TANC2: variants seen among roughly 807,000 people sequenced by gnomAD.
TANC2 encodes the protein protein TANC2.
Under a neutral mutation model 210.5 loss-of-function variants are expected in TANC2, and 26 were observed. The observed-to-expected ratio is 0.12, with a 90% confidence interval of 0.09 to 0.17. TANC2 has a LOEUF of 0.17. TANC2 is among the 10% of genes least tolerant of loss of function. The pLI is 1.00. For synonymous variants in TANC2, 931 were observed against 967.1 expected, an observed-to-expected ratio of 0.96 and a Z score of 0.69; for missense variants, 2,129 against 2,608.9, an observed-to-expected ratio of 0.82 and a Z score of 4.01.
chr17:63,185,880 A>G lies in TANC2; in HGVS notation c.434-8111A>G, dbSNP rs541063063. Among the ~76,000 whole-genome samples, 85 of 152,246 alleles carry G rather than the reference A, an allele frequency of 5.6e-4. 1 individual carries two copies. Among genetic ancestry groups the G allele is most frequent in the South Asian group, 2.9e-3 (14 of 4,822 alleles). On this transcript the variant is annotated intron_variant, in intron 5 of 27. Coordinates refer to ENST00000689528, the Ensembl canonical transcript of TANC2. Reference sequence around the variant, plus strand: ...TGATTTGTAGTAGTTATCTCACTCTATGGCTTGCCCTTTTACCTTCTTAAT... The same window carrying G: ...TGATTTGTAGTAGTTATCTCACTCTGTGGCTTGCCCTTTTACCTTCTTAAT...
At chr17:63,331,444 C>T (rs72841375) in intron 11 of TANC2, among the ~76,000 whole-genome samples, 21,487 of 152,194 alleles carry the variant, frequency 0.14, 1,957 homozygotes, top group Middle Eastern at 0.21. Flanking sequence ...ATTGTGCCCA[C>T]GAAGTGGACT....
intron 9 of TANC2, among the ~76,000 whole-genome samples, chr17:63,300,554 G>A (rs2044679275): frequency 6.6e-6 from 1 of 152,132 alleles, no homozygotes; most frequent in African/African-American, 2.4e-5. Flanking sequence ...GTGAATGGGA[G>A]TTCATCCATG....
chr17:63,159,937 C>G (rs1274038543), intron 5 of TANC2, among the ~76,000 whole-genome samples: 1 of 152,190 alleles, frequency 6.6e-6, no homozygotes, highest in Non-Finnish European at 1.5e-5. Flanking sequence ...GCTAGAAGTT[C>G]AAGATCAAGG....
chr17:63,376,394 C>T (rs1441387284), intron 14 of TANC2, among the ~76,000 whole-genome samples: 2 of 152,000 alleles, frequency 1.3e-5, no homozygotes, highest in Non-Finnish European at 2.9e-5. Context: ...CCATGCTGTT[C>T]TCGTGATAGC....
At position 63,315,249 on chromosome 17, in the gene TANC2, T is replaced by C. The variant is rs200440141; in HGVS notation, c.1441+580T>C. 5.3e-5 allele frequency among the ~76,000 whole-genome samples: 8 copies of C among 152,354 alleles called. No homozygotes were observed. In the East Asian group the frequency reaches 1.3e-3, roughly 26 times the overall value. On this transcript the variant is annotated intron_variant, in intron 10 of 27. Transcript: ENST00000689528. ...TACTGATTTATTTTTAAAACACTCA[T>C]ATGGTACTTACTATGTGCCAGATAC... is the stretch of plus-strand genomic sequence containing the variant.
At chr17:63,388,416 G>A (rs1047440503) in intron 15 of TANC2, among the ~76,000 whole-genome samples, 9 of 148,712 alleles carry the variant, frequency 6.1e-5, no homozygotes, top group South Asian at 2.1e-4. Flanking sequence ...TTGAGTAGAC[G>A]TGTTGCTAAG....
intron 14 of TANC2, among the ~76,000 whole-genome samples, chr17:63,379,281 G>A (rs113708606): frequency 6.6e-6 from 1 of 152,206 alleles, no homozygotes; most frequent in African/African-American, 2.4e-5. Context: ...TTGCCCAGGA[G>A]CAGGTGCCCT....
intron 9 of TANC2, among the ~76,000 whole-genome samples, chr17:63,274,048 A>G (rs957535727): frequency 1.3e-5 from 2 of 152,220 alleles, no homozygotes; most frequent in Admixed American, 6.5e-5. Context: ...CATGTTATTC[A>G]TGAACATGAT....
intron 4 of TANC2, among the ~76,000 whole-genome samples, chr17:63,123,997 G>A (rs9904970): frequency 0.32 from 49,020 of 151,966 alleles, 8,151 homozygotes; most frequent in South Asian, 0.41. Context: ...CACAGCGCCC[G>A]GCCATAAGGT....
intron 4 of TANC2, among the ~76,000 whole-genome samples, chr17:63,121,130 T>C (rs575625254): frequency 1.3e-5 from 2 of 152,248 alleles, no homozygotes; most frequent in South Asian, 4.2e-4. Flanking sequence ...GGTGATAAAT[T>C]ATTTTAAAAG....
intron 8 of TANC2, among the ~76,000 whole-genome samples, chr17:63,265,952 T>C (rs2146258669): frequency 6.6e-6 from 1 of 152,320 alleles, no homozygotes; most frequent in Middle Eastern, 3.4e-3. Context: ...AAAAAGATTA[T>C]TCCTTCTTCT....
At chr17:63,285,690 C>T (rs1470016775) in intron 9 of TANC2, among the ~76,000 whole-genome samples, 1 of 152,176 alleles carries the variant, frequency 6.6e-6, no homozygotes, top group Non-Finnish European at 1.5e-5. Context: ...AACATACACT[C>T]AATTCCTCCA....
At chr17:63,336,087 A>G (rs1213149539) in intron 11 of TANC2, among the ~76,000 whole-genome samples, 1 of 152,196 alleles carries the variant, frequency 6.6e-6, no homozygotes, top group Non-Finnish European at 1.5e-5. Flanking sequence ...GGACTAAGAG[A>G]AAAGGAAGAG....
chr17:62,972,503 T>C (rs1381275051), intron 1 of TANC2, among the ~76,000 whole-genome samples: 1 of 152,228 alleles, frequency 6.6e-6, no homozygotes, highest in Non-Finnish European at 1.5e-5. Flanking sequence ...AATGATCTTG[T>C]TGGTGTGTTT....
chr17:63,194,208 A>G (rs2041271940), intron 6 of TANC2, 69 bp downstream of exon 6: 16 of 1,483,074 alleles, frequency 1.1e-5, no homozygotes, highest in Admixed American at 2.1e-5. Flanking sequence ...AATAATCCCA[A>G]TTGTTGAATG....
chr17:63,027,321 T>C (rs2034592556), intron 2 of TANC2, among the ~76,000 whole-genome samples: 1 of 152,060 alleles, frequency 6.6e-6, no homozygotes, highest in African/African-American at 2.4e-5. Context: ...AAAAGAAATA[T>C]TGAGTAATAG....
At chr17:63,372,024 G>A (rs990400745) in intron 14 of TANC2, among the ~76,000 whole-genome samples, 4 of 152,130 alleles carry the variant, frequency 2.6e-5, no homozygotes, top group Non-Finnish European at 2.9e-5. Context: ...GTCAAAACAC[G>A]CATACTTATC....
chr17:63,174,459 G>A (rs957023963), intron 5 of TANC2, among the ~76,000 whole-genome samples: 11 of 152,074 alleles, frequency 7.2e-5, no homozygotes, highest in Non-Finnish European at 1.6e-4. Flanking sequence ...ATACATTTAG[G>A]GACATGCTTG....
chr17:63,183,584 G>T (rs917884734), intron 5 of TANC2, among the ~76,000 whole-genome samples: 1 of 152,008 alleles, frequency 6.6e-6, no homozygotes, highest in Admixed American at 6.6e-5. Flanking sequence ...TCGAGTGATG[G>T]GTACACTGAC....
Sources: gnomAD v4.1 joint callset for allele counts (sites outside exome capture counted in the v4.1 genomes callset) on GRCh38, gnomAD v4.1.1 for gene constraint, MANE v1.5 for transcripts, NCBI Gene and HGNC (gene_info 2026-07-23, HGNC 2026-07-21) for gene names.